Variants in MRPL48 observed in about 807,000 individuals in gnomAD.
MRPL48 encodes the protein mitochondrial ribosomal protein L48.
In MRPL48, 16 loss-of-function variants were observed where a neutral mutation model predicts 32.9. That is an observed-to-expected ratio of 0.49 (90% CI 0.33 to 0.74). The LOEUF is 0.74. Ranked by LOEUF, MRPL48 falls within the 30% of genes least tolerant of loss-of-function variation. The pLI, the probability that MRPL48 is intolerant of heterozygous loss-of-function variation, is 0.02. For synonymous variants in MRPL48, 94 were observed against 89.2 expected (o/e 1.05, Z -0.31); for missense variants, 206 against 245.3 (o/e 0.84, Z 1.07).
chr11:73,838,126 A>G (rs1423972577), intron 4 of MRPL48, among the ~76,000 whole-genome samples: 1 of 152,204 alleles, frequency 6.6e-6, no homozygotes, highest in Non-Finnish European at 1.5e-5. Context: ...TGCTGGGATT[A>G]CAGGCATGAG....
At chr11:73,860,679 T>C (rs1321376695) in intron 6 of MRPL48, among the ~76,000 whole-genome samples, 2 of 152,198 alleles carry the variant, frequency 1.3e-5, no homozygotes, top group African/African-American at 4.8e-5. Context: ...TTCCCAGCTT[T>C]AACATCATCC....
chr11:73,825,665 GCAA>G (rs2135011567), intron 3 of MRPL48, 40 bp from the exon 4 acceptor site: 1 of 1,505,072 alleles, frequency 6.6e-7, no homozygotes, highest in East Asian at 2.5e-5. Flanking sequence ...AACGATAATA[GCAA>G]CAACAAAAAA....
At chr11:73,822,930 A>C (rs1245588420) in intron 3 of MRPL48, 1 of 445,664 alleles carries the variant, frequency 2.2e-6, no homozygotes, top group Non-Finnish European at 4.5e-6. Context: ...TGTGAACTGC[A>C]CATATGAGGG....
intron 1 of MRPL48, among the ~76,000 whole-genome samples, chr11:73,802,935 G>T (rs977818760): frequency 6.6e-6 from 1 of 151,940 alleles, no homozygotes; most frequent in African/African-American, 2.4e-5. Context: ...AGGCTCAAGT[G>T]ATCTTCCTAC....
chr11:73,862,605 A>G (rs1948602532), intron 6 of MRPL48, among the ~76,000 whole-genome samples: 1 of 151,652 alleles, frequency 6.6e-6, no homozygotes, highest in South Asian at 2.1e-4. Flanking sequence ...CGTCTCAAAA[A>G]TAAATAAATA....
chr11:73,792,494 G>A (rs957053753), intron 1 of MRPL48, among the ~76,000 whole-genome samples: 16 of 152,184 alleles, frequency 1.1e-4, no homozygotes, highest in African/African-American at 3.6e-4. Flanking sequence ...GAGATAAGAT[G>A]TTTTCACATT....
intron 6 of MRPL48, among the ~76,000 whole-genome samples, chr11:73,862,305 C>T (rs1430684075): frequency 6.6e-6 from 1 of 152,084 alleles, no homozygotes; most frequent in African/African-American, 2.4e-5. Context: ...GCCTGTAATC[C>T]CAGCTACTCA....
At chr11:73,844,719 A>G in intron 4 of MRPL48, 88 bp from the exon 5 acceptor site, 2 of 1,411,012 alleles carry the variant, frequency 1.4e-6, no homozygotes, top group Non-Finnish European at 1.9e-6. Context: ...ATTTATTAGA[A>G]AGATTGACTT....
intron 3 of MRPL48, among the ~76,000 whole-genome samples, chr11:73,825,284 A>ATG (rs66515925): frequency 0.033 from 4,591 of 139,862 alleles, 92 homozygotes; most frequent in South Asian, 0.048. Context: ...TTTTTTATAT[A>ATG]TGTGTGTGTG....
chr11:73,806,093 A>G (rs1263176082), intron 2 of MRPL48, among the ~76,000 whole-genome samples: 1 of 151,316 alleles, frequency 6.6e-6, no homozygotes, highest in Non-Finnish European at 1.5e-5. Flanking sequence ...TCTGTTCTTC[A>G]CAGTAAAGCA....
intron 1 of MRPL48, among the ~76,000 whole-genome samples, chr11:73,789,887 C>T (rs888072494): frequency 1.3e-5 from 2 of 151,952 alleles, no homozygotes; most frequent in Admixed American, 1.3e-4. Flanking sequence ...GAATGAATGA[C>T]TGGAACCTAG....
chr11:73,798,082 A>T (rs185822805), intron 1 of MRPL48, among the ~76,000 whole-genome samples: 1 of 150,038 alleles, frequency 6.7e-6, no homozygotes, highest in African/African-American at 2.4e-5. Flanking sequence ...AACAAAAACA[A>T]TTTTTTTTTT....
intron 1 of MRPL48, among the ~76,000 whole-genome samples, chr11:73,796,913 A>T (rs1947264213): frequency 6.6e-6 from 1 of 152,142 alleles, no homozygotes; most frequent in South Asian, 2.1e-4. Flanking sequence ...AAAAATACAA[A>T]AAAATTAGCC....
intron 3 of MRPL48, among the ~76,000 whole-genome samples, chr11:73,823,406 A>G (rs11235919): frequency 0.16 from 24,670 of 152,092 alleles, 2,374 homozygotes; most frequent in African/African-American, 0.27. Flanking sequence ...ACACACACAT[A>G]CACATGTTAT....
chr11:73,859,708 AT>A (rs1351389811), intron 5 of MRPL48, among the ~76,000 whole-genome samples, 198 bp from the exon 6 acceptor site: 1 of 152,146 alleles, frequency 6.6e-6, no homozygotes, highest in Non-Finnish European at 1.5e-5. Context: ...GCAGAACTGC[AT>A]TAAACATGGT....
At chr11:73,792,437 T>C (rs1947169145) in intron 1 of MRPL48, among the ~76,000 whole-genome samples, 1 of 152,190 alleles carries the variant, frequency 6.6e-6, no homozygotes, top group South Asian at 2.1e-4. Context: ...TGCCAAGTTA[T>C]GTCTAATATG....
chr11:73,853,299 T>C (rs2135073473), intron 5 of MRPL48, among the ~76,000 whole-genome samples: 1 of 152,368 alleles, frequency 6.6e-6, no homozygotes, highest in South Asian at 2.1e-4. Flanking sequence ...ATATCCCATT[T>C]ACCCTGATGA....
Position 73,787,984 on chromosome 11 carries a change from T to G in MRPL48, c.13T>G (p.Leu5Val). Residue 5 changes from leucine (L) to valine (V), a missense_variant, in exon 1 of 8, where the codon TTG (leucine) becomes GTG (valine). Leu to Val is a conservative substitution (Grantham distance 32, BLOSUM62 1). Transcript: ENST00000310614. MSGT[L>V]EKVLCLRNNT... is the part of the protein sequence containing the mutation. The stretch of plus-strand genomic sequence containing the variant: ...GCAGCAGCAAAGGATGAGCGGAACC[T>G]TGGAAAAGGTAACGTAGATTCCACG... The G allele has an allele frequency of 2.5e-6, 4 of 1,598,636 alleles. No individual in the cohort carries two copies. In the South Asian group the frequency reaches 4.4e-5, roughly 18 times the overall value.
intron 5 of MRPL48, among the ~76,000 whole-genome samples, chr11:73,859,606 T>C (rs1322574211): frequency 6.6e-6 from 1 of 152,190 alleles, no homozygotes; most frequent in Non-Finnish European, 1.5e-5. Context: ...AATGGGCCAT[T>C]CTTCAGTAGC....
Sources: gnomAD v4.1 joint callset for allele counts (sites outside exome capture counted in the v4.1 genomes callset) on GRCh38, gnomAD v4.1.1 for gene constraint, MANE v1.5 for transcripts, NCBI Gene and HGNC (gene_info 2026-07-23, HGNC 2026-07-21) for gene names.